The following DLGAP4 variants were observed in gnomAD, a reference collection of about 807,000 sequenced individuals.
The protein encoded by DLGAP4 is disks large-associated protein 4.
A neutral mutation model predicts 86.9 loss-of-function variants in DLGAP4; 18 were observed. That is an observed-to-expected ratio of 0.21 (90% CI 0.14 to 0.31). The LOEUF is 0.31. Ranked by LOEUF, DLGAP4 falls within the 10% of genes least tolerant of loss-of-function variation. DLGAP4 has a pLI of 1.00. For synonymous variants in DLGAP4, 548 were observed against 574.3 expected, an observed-to-expected ratio of 0.95 and a Z score of 0.65; for missense variants, 1,085 against 1,362.6, an observed-to-expected ratio of 0.80 and a Z score of 3.21.
chr20:36,312,145 T>G (rs944401929), intron 1 of DLGAP4, among the ~76,000 whole-genome samples: 1 of 152,206 alleles, frequency 6.6e-6, no homozygotes, highest in Non-Finnish European at 1.5e-5. Context: ...AGAGGAGAAC[T>G]GTGGCCTCTC....
chr20:36,330,024 CAA>C (rs574074810), intron 1 of DLGAP4, among the ~76,000 whole-genome samples: 31 of 116,242 alleles, frequency 2.7e-4, no homozygotes, highest in Non-Finnish European at 1.9e-4. Context: ...ACTCTTGTCT[CAA>C]AAAAAAAAAA....
At chr20:36,362,031 C>T (rs562549649) in intron 1 of DLGAP4, among the ~76,000 whole-genome samples, 6 of 150,054 alleles carry the variant, frequency 4.0e-5, no homozygotes, top group South Asian at 2.1e-4. Context: ...GTGGCTCACA[C>T]CTGTAATCCC....
intron 1 of DLGAP4, among the ~76,000 whole-genome samples, chr20:36,315,910 G>A (rs1011637814): frequency 4.6e-5 from 7 of 152,168 alleles, no homozygotes; most frequent in Admixed American, 1.3e-4. Context: ...GACACTGGCC[G>A]GGCAGAGACA....
intron 7 of DLGAP4, among the ~76,000 whole-genome samples, chr20:36,453,953 AAAAG>A (rs1308462964): frequency 3.5e-4 from 52 of 148,110 alleles, no homozygotes; most frequent in African/African-American, 3.0e-4. Context: ...AAAAAAAAAA[AAAAG>A]AAAGAAAGAA....
intron 7 of DLGAP4, among the ~76,000 whole-genome samples, chr20:36,466,458 G>T (rs1319072177): frequency 6.6e-6 from 1 of 152,162 alleles, no homozygotes; most frequent in Non-Finnish European, 1.5e-5. Context: ...CTGGGCCAGG[G>T]TGCAGGCTGT....
chr20:36,470,482 A>G lies in DLGAP4; in HGVS notation c.1648+23545A>G, dbSNP rs76015745. On this transcript the variant is annotated intron_variant, in intron 7 of 12. Coordinates refer to ENST00000339266, the MANE Select transcript of DLGAP4 (RefSeq NM_001365621.2). The stretch of plus-strand genomic sequence containing the variant: ...GATCTAGGAAGAGGCATCTCTGGAT[A>G]CGTTTTGCTGGAGGTTTTTTTTGTG... Among the ~76,000 whole-genome samples, 601 of 152,058 alleles carry G rather than the reference A, an allele frequency of 4.0e-3. 4 individuals carry two copies. The highest frequency in any genetic ancestry group is 0.014 in the African/African-American group (581 of 41,452).
chr20:36,421,663 G>A (rs1233192074), intron 2 of DLGAP4, among the ~76,000 whole-genome samples: 1 of 151,962 alleles, frequency 6.6e-6, no homozygotes, highest in Non-Finnish European at 1.5e-5. Flanking sequence ...CTGGGGTAGT[G>A]AAAGAGGAGT....
intron 2 of DLGAP4, among the ~76,000 whole-genome samples, chr20:36,400,789 G>A (rs765103792): frequency 6.6e-6 from 1 of 151,978 alleles, no homozygotes; most frequent in African/African-American, 2.4e-5. Context: ...GACCAGTGAC[G>A]TGCCTGGAAC....
chr20:36,348,108 C>T (rs527307447), intron 1 of DLGAP4, among the ~76,000 whole-genome samples: 1 of 152,318 alleles, frequency 6.6e-6, no homozygotes, highest in Non-Finnish European at 1.5e-5. Flanking sequence ...TTATATCCTT[C>T]TACCAAAAAC....
At chr20:36,470,319 G>A (rs950150720) in intron 7 of DLGAP4, among the ~76,000 whole-genome samples, 1 of 152,154 alleles carries the variant, frequency 6.6e-6, no homozygotes, top group Non-Finnish European at 1.5e-5. Flanking sequence ...GCCCCACAGT[G>A]TCCAGGCTTC....
At chr20:36,495,721 G>A (rs1015591517) in intron 7 of DLGAP4, among the ~76,000 whole-genome samples, 6 of 152,202 alleles carry the variant, frequency 3.9e-5, no homozygotes, top group South Asian at 2.1e-4. Context: ...GGAGAAAGTG[G>A]AGAACAGGGA....
intron 1 of DLGAP4, among the ~76,000 whole-genome samples, chr20:36,348,134 CA>C (rs1555893177): frequency 6.6e-6 from 1 of 152,210 alleles, no homozygotes; most frequent in East Asian, 1.9e-4. Context: ...CACATGGCCA[CA>C]CCTATCTGCA....
chr20:36,516,080 C>T (rs911828373), intron 10 of DLGAP4, among the ~76,000 whole-genome samples: 2 of 152,162 alleles, frequency 1.3e-5, no homozygotes, highest in Non-Finnish European at 2.9e-5. Flanking sequence ...GAACAGCTGG[C>T]CCACGCACTG....
chr20:36,462,545 G>A (rs1250658368), intron 7 of DLGAP4: 3 of 1,601,104 alleles, frequency 1.9e-6, no homozygotes, highest in Non-Finnish European at 2.6e-6. Context: ...GGGTCTCTGG[G>A]TCTCTGACCC....
At chr20:36,462,481 CT>C in intron 7 of DLGAP4, 35 of 1,577,052 alleles carry the variant, frequency 2.2e-5, no homozygotes, top group Non-Finnish European at 2.8e-5. Flanking sequence ...CCCTAGCCCC[CT>C]GTCTCCCCTT....
intron 2 of DLGAP4, among the ~76,000 whole-genome samples, chr20:36,409,203 T>G (rs1200557447): frequency 6.6e-6 from 1 of 151,958 alleles, no homozygotes; most frequent in Non-Finnish European, 1.5e-5. Flanking sequence ...GCCCAGCTAA[T>G]TTTTTTGTAT....
chr20:36,478,978 G>A (rs1005155936), intron 7 of DLGAP4, among the ~76,000 whole-genome samples: 6 of 152,184 alleles, frequency 3.9e-5, no homozygotes, highest in African/African-American at 1.4e-4. Context: ...TGGCAACTGT[G>A]ATTATTAGCC....
At chr20:36,460,291 G>A (rs904024766) in intron 7 of DLGAP4, among the ~76,000 whole-genome samples, 4 of 152,138 alleles carry the variant, frequency 2.6e-5, no homozygotes, top group Non-Finnish European at 4.4e-5. Context: ...CAGAGACCTT[G>A]TCGCTACAAA....
intron 7 of DLGAP4, among the ~76,000 whole-genome samples, chr20:36,472,557 T>C (rs2034717938): frequency 6.8e-6 from 1 of 147,820 alleles, no homozygotes; most frequent in Non-Finnish European, 1.5e-5. Flanking sequence ...ATTTTATCAA[T>C]AGGAAAACTG....
Sources: allele counts gnomAD v4.1 joint callset (sites outside exome capture counted in the v4.1 genomes callset), GRCh38; gene constraint gnomAD v4.1.1; transcripts MANE v1.5; gene names NCBI Gene and HGNC (gene_info 2026-07-23, HGNC 2026-07-21).